Variants in CEP135 observed in about 807,000 individuals in gnomAD.
CEP135 encodes centrosomal protein 135, also known as centrosomal protein of 135 kDa.
Under a neutral mutation model 157.3 loss-of-function variants are expected in CEP135, and 142 were observed. That is an observed-to-expected ratio of 0.90 (90% CI 0.79 to 1.04). The LOEUF is 1.04. Ranked by LOEUF, CEP135 falls within the 50% of genes least tolerant of loss-of-function variation. The probability of loss-of-function intolerance (pLI) is 0.00; values close to 1 mark genes in which losing one functional copy is unlikely to be tolerated. For missense variants in CEP135, 1,317 were observed against 1,309.2 expected (o/e 1.01, Z -0.09); for synonymous variants, 396 against 439.8 (o/e 0.90, Z 1.25).
At chr4:56,027,970 CTT>C (rs1731211457) in intron 25 of CEP135, among the ~76,000 whole-genome samples, 1 of 152,202 alleles carries the variant, frequency 6.6e-6, no homozygotes, top group African/African-American at 2.4e-5. Context: ...TTCAGATCTA[CTT>C]TTCTGGTCTC....
intron 17 of CEP135, among the ~76,000 whole-genome samples, chr4:56,005,006 G>A (rs1449532373): frequency 6.8e-6 from 1 of 147,576 alleles, no homozygotes; most frequent in Non-Finnish European, 1.5e-5. Flanking sequence ...CATCCTTCGT[G>A]GTTAAGTGAT....
At chr4:55,950,096 T>A (rs568105592) in intron 1 of CEP135, among the ~76,000 whole-genome samples, 4,228 of 152,252 alleles carry the variant, frequency 0.028, 198 homozygotes, top group African/African-American at 0.095. Context: ...TAGGTGTCTC[T>A]TGTGGAAAGA....
At chr4:56,016,457 A>C (rs1006119723) in intron 21 of CEP135, among the ~76,000 whole-genome samples, 1 of 152,136 alleles carries the variant, frequency 6.6e-6, no homozygotes, top group African/African-American at 2.4e-5. Context: ...TTCTCAACTA[A>C]TCTTCAATTA....
In CEP135 at chr4:56,011,992, T is replaced by G; in HGVS notation, c.2802+7T>G. Reference sequence around the variant, plus strand: ...AGAAAAAGAAATTCAAGAGGTAATATATTTATTTGTTTTGTAAAGATGTTA... The same window carrying G: ...AGAAAAAGAAATTCAAGAGGTAATAGATTTATTTGTTTTGTAAAGATGTTA... On this transcript the variant is annotated splice_region_variant and intron_variant, in intron 21 of 25. Coordinates refer to ENST00000257287, the MANE Select transcript of CEP135 (RefSeq NM_025009.5). The G allele has an allele frequency of 6.9e-7, 1 of 1,455,604 alleles. No homozygotes were observed. Among genetic ancestry groups the G allele is most frequent in the Non-Finnish European group, 9.2e-7 (1 of 1,091,546 alleles). 90.2% of individuals were successfully genotyped at this position (1,455,604 alleles called of 1,614,324 possible).
Position 55,985,049 on chromosome 4 carries a change from C to G in CEP135, c.1780-232C>G, listed in dbSNP as rs573753033. 4.6e-5 allele frequency among the ~76,000 whole-genome samples: 7 copies of G among 152,310 alleles called. No individual in the cohort carries two copies. The East Asian group carries it at 1.3e-3, about 29-fold the overall frequency. The stretch of plus-strand genomic sequence containing the variant: ...AATCCTTACTAATCTATGTCTTCTA[C>G]TACAATCACACATGGAGGTAGAGAG... On this transcript the variant is annotated intron_variant, in intron 13 of 25. Coordinates refer to ENST00000257287, the MANE Select transcript of CEP135 (RefSeq NM_025009.5).
intron 15 of CEP135, among the ~76,000 whole-genome samples, chr4:55,994,485 T>C (rs1729900812): frequency 6.6e-6 from 1 of 151,988 alleles, no homozygotes; most frequent in Non-Finnish European, 1.5e-5. Context: ...AGTTCAAGGC[T>C]ACAGTGAGCT....
Position 56,008,323 on chromosome 4 carries a change from A to G in CEP135, c.2281-4A>G, listed in dbSNP as rs1482910440. 3.6e-5 allele frequency: 58 copies of G among 1,604,210 alleles called. No individual in the cohort carries two copies. Among genetic ancestry groups the G allele is most frequent in the Admixed American group, 1.2e-4 (7 of 58,836 alleles). On this transcript the variant is annotated splice_region_variant and splice_polypyrimidine_tract_variant and intron_variant, in intron 17 of 25. Coordinates refer to ENST00000257287, the MANE Select transcript of CEP135 (RefSeq NM_025009.5). Reference sequence around the variant, plus strand: ...AATCTTACACATTTTTGTAATTTCTATAGGAAAAAGCTGTTGCTCAAATGA... The same window carrying G: ...AATCTTACACATTTTTGTAATTTCTGTAGGAAAAAGCTGTTGCTCAAATGA...
chr4:56,019,543 C>A lies in CEP135; in HGVS notation c.3203C>A (p.Ser1068Tyr), dbSNP rs1312040707. 5 of 1,609,082 alleles carry A rather than the reference C, an allele frequency of 3.1e-6. No homozygotes were observed. In the Admixed American group the frequency reaches 8.5e-5, roughly 27 times the overall value. Residue 1068 changes from serine (S) to tyrosine (Y), a missense_variant, in exon 23 of 26, where the codon TCT (serine) becomes TAT (tyrosine). Ser to Tyr is a moderately radical substitution (Grantham distance 144). Coordinates refer to ENST00000257287, the MANE Select transcript of CEP135 (RefSeq NM_025009.5). ...CTACTTAAGGAGAAGTTAACCCTTTCTGAAAGCAAATTGTAAGTGTCTTAA... is the reference window on the plus strand; with the variant it reads ...CTACTTAAGGAGAAGTTAACCCTTTATGAAAGCAAATTGTAAGTGTCTTAA... ...IQLLKEKLTL[S>Y]ESKLTSQSRE...
At chr4:56,012,353 G>T (rs981741829) in intron 21 of CEP135, among the ~76,000 whole-genome samples, 1 of 152,184 alleles carries the variant, frequency 6.6e-6, no homozygotes, top group Non-Finnish European at 1.5e-5. Flanking sequence ...ACCGCACCCG[G>T]CCTCAAAGAT....
At chr4:55,979,069 T>A (rs1367174673) in intron 11 of CEP135, among the ~76,000 whole-genome samples, 1 of 152,208 alleles carries the variant, frequency 6.6e-6, no homozygotes, top group Non-Finnish European at 1.5e-5. Context: ...ATATCTATCA[T>A]TTACCAAATC....
chr4:56,024,412 A>C, intron 24 of CEP135, 89 bp from the exon 25 acceptor site: 1 of 823,456 alleles, frequency 1.2e-6, no homozygotes, highest in African/African-American at 1.7e-5. Flanking sequence ...ATTTATTACA[A>C]ATTAGCTAAT....
At chr4:55,998,064 A>G (rs1465745738) in intron 15 of CEP135, among the ~76,000 whole-genome samples, 3 of 152,170 alleles carry the variant, frequency 2.0e-5, no homozygotes, top group Admixed American at 2.0e-4. Flanking sequence ...AGAATACCTC[A>G]ATACTGCCAG....
rs184332821 is a variant in CEP135 at position 56,006,985 on chromosome 4, C to A, written c.2281-1342C>A. On this transcript the variant is annotated intron_variant, in intron 17 of 25. Transcript: ENST00000257287. ...CTCAACTCACTGCAACCTCCGTCTC[C>A]TGAGTTCAAGCTATTCTCCTGCCTC... is the stretch of plus-strand genomic sequence containing the variant. 2.6e-5 allele frequency among the ~76,000 whole-genome samples: 4 copies of A among 152,302 alleles called. No individual in the cohort carries two copies. The East Asian group carries it at 7.7e-4, about 29-fold the overall frequency.
rs1553888676 is a variant in CEP135 at position 55,959,719 on chromosome 4, G to A, written c.652G>A (p.Glu218Lys). 1 of 1,614,114 alleles carries A rather than the reference G, an allele frequency of 6.2e-7. No homozygotes were observed. The highest frequency in any genetic ancestry group is 8.5e-7 in the Non-Finnish European group (1 of 1,179,962). ...TCAACAGGAAGTCCACCAGCTACAAGAAAAGTTAGCAATGATGGAAAGTGG... is the reference window on the plus strand; with the variant it reads ...TCAACAGGAAGTCCACCAGCTACAAAAAAAGTTAGCAATGATGGAAAGTGG... ...ELQQEVHQLQ[E>K]KLAMMESGVR... The change falls in exon 6 of 26, where the codon GAA (glutamate) becomes AAA (lysine). Residue 218 changes from glutamate (E) to lysine (K), a missense_variant. Glu to Lys is a moderately conservative substitution (Grantham distance 56, BLOSUM62 1). Transcript: ENST00000257287.
Position 56,020,749 on chromosome 4 carries a change from A to C in CEP135, c.3289A>C (p.Lys1097Gln). The change falls in exon 24 of 26, where the codon AAA becomes CAA. Residue 1097 changes from lysine to glutamine, a missense_variant. Lys to Gln is a moderately conservative substitution (Grantham distance 53, BLOSUM62 1). Coordinates refer to ENST00000257287, the MANE Select transcript of CEP135 (RefSeq NM_025009.5). ...AQLQTDYDAL[K>Q]RQISTERYER... ...GTTACAAACAGATTATGATGCTCTG[A>C]AAAGGCAGATCTCAACTGAAAGATA... The C allele has an allele frequency of 6.2e-7, 1 of 1,613,544 alleles. No homozygotes were observed. Among genetic ancestry groups the C allele is most frequent in the Non-Finnish European group, 8.5e-7 (1 of 1,179,734 alleles).
rs767331545 is a variant in CEP135 at position 56,008,354 on chromosome 4, A to G, written c.2308A>G (p.Met770Val). The change falls in exon 18 of 26, where the codon ATG (methionine) becomes GTG (valine). Residue 770 changes from methionine to valine, a missense_variant. Transcript: ENST00000257287. ...AAAAGCTGTTGCTCAAATGAAGATA[A>G]TGATCTCAGAGTGTGAATCATCTGT... Reference protein sequence around the residue: ...KEKAVAQMKIMISECESSVNQ... With the variant: ...KEKAVAQMKIVISECESSVNQ... 1 of 1,610,352 alleles carries G rather than the reference A, an allele frequency of 6.2e-7. No homozygotes were observed. Among genetic ancestry groups the G allele is most frequent in the Admixed American group, 1.7e-5 (1 of 59,450 alleles).
intron 17 of CEP135, among the ~76,000 whole-genome samples, chr4:56,004,689 C>T (rs1730290675): frequency 6.6e-6 from 1 of 152,134 alleles, no homozygotes; most frequent in Admixed American, 6.6e-5. Flanking sequence ...TAGTCTTTGA[C>T]TTGTAGGCTA....
chr4:55,959,789 T>C (rs1435019246), intron 6 of CEP135, 23 bp downstream of exon 6: 1 of 1,536,658 alleles, frequency 6.5e-7, no homozygotes, highest in Non-Finnish European at 9.0e-7. Context: ...TTTACTTGCA[T>C]AGTAGGGATT....
At chr4:55,974,602 A>T (rs1577877850) in intron 10 of CEP135, 144 bp from the exon 11 acceptor site, 2 of 595,670 alleles carry the variant, frequency 3.4e-6, no homozygotes, top group Non-Finnish European at 2.8e-6. Flanking sequence ...TACCTCTTCA[A>T]TAGATTTGGT....
Sources: allele counts gnomAD v4.1 joint callset (sites outside exome capture counted in the v4.1 genomes callset), GRCh38; gene constraint gnomAD v4.1.1; transcripts MANE v1.5; gene names NCBI Gene and HGNC (gene_info 2026-07-23, HGNC 2026-07-21).